The following GLB1L2 variants were observed in gnomAD, a reference collection of about 807,000 sequenced individuals.
GLB1L2 encodes beta-galactosidase-1-like protein 2.
In GLB1L2, 68 loss-of-function variants were observed where a neutral mutation model predicts 84.1. The observed-to-expected ratio is 0.81, with a 90% confidence interval of 0.67 to 0.99. GLB1L2 has a LOEUF of 0.99. Among genes scored for constraint, GLB1L2 ranks in the 50% least tolerant of loss-of-function variants. The pLI, the probability that GLB1L2 is intolerant of heterozygous loss-of-function variation, is 0.00. For synonymous variants in GLB1L2, 290 were observed against 318.0 expected (o/e 0.91, Z 0.94); for missense variants, 762 against 805.6 (o/e 0.95, Z 0.66).
chr11:134,348,121 A>C (rs1943576741), intron 5 of GLB1L2, among the ~76,000 whole-genome samples: 1 of 152,222 alleles, frequency 6.6e-6, no homozygotes, highest in Non-Finnish European at 1.5e-5. Flanking sequence ...ACATCAATAA[A>C]AAATTAGTTC....
intron 1 of GLB1L2, among the ~76,000 whole-genome samples, chr11:134,333,954 G>A (rs1016007723): frequency 1.3e-5 from 2 of 152,170 alleles, no homozygotes; most frequent in South Asian, 2.1e-4. Flanking sequence ...TGTGGAATAC[G>A]TGTCTTTTTG....
At chr11:134,348,488 A>G (rs1943581067) in intron 5 of GLB1L2, among the ~76,000 whole-genome samples, 1 of 152,224 alleles carries the variant, frequency 6.6e-6, no homozygotes, top group Admixed American at 6.5e-5. Flanking sequence ...AGGCACTTGC[A>G]GACGTGCAGC....
At chr11:134,367,998 T>C (rs1943888556) in intron 9 of GLB1L2, among the ~76,000 whole-genome samples, 1 of 152,178 alleles carries the variant, frequency 6.6e-6, no homozygotes, top group South Asian at 2.1e-4. Flanking sequence ...CTCGGCACCG[T>C]GTAGATGTGC....
intron 7 of GLB1L2, among the ~76,000 whole-genome samples, chr11:134,363,128 GGC>G (rs1943819808): frequency 6.6e-6 from 1 of 152,166 alleles, no homozygotes; most frequent in East Asian, 1.9e-4. Context: ...GTCTTCAAAG[GGC>G]TTCTGGCTTG....
rs1377496316 is a variant in GLB1L2, at chr11:134,347,336, A to G, written c.461A>G (p.Gln154Arg). ...DLGGLPSWLLQDPGMRLRTTY... is the reference protein window; with the variant it reads ...DLGGLPSWLLRDPGMRLRTTY... ...GTTTACACTTCAAGCTGGCTACTCC[A>G]AGACCCTGGCATGAGGCTGAGGACA... is the stretch of plus-strand genomic sequence containing the variant. The change falls in exon 5 of 19, where the codon CAA (glutamine) becomes CGA (arginine). Residue 154 changes from glutamine (Q) to arginine (R), a missense_variant. Gln to Arg is a conservative substitution (Grantham distance 43). This residue lies in a region of GLB1L2 where 603 missense variants were observed against 611.7 expected (regional missense o/e 0.99). Coordinates refer to ENST00000535456, the MANE Select transcript of GLB1L2 (RefSeq NM_001370461.1). 4 of 1,613,904 alleles carry G rather than the reference A, an allele frequency of 2.5e-6. No individual in the cohort carries two copies. The highest frequency in any genetic ancestry group is 3.3e-5 in the Admixed American group (2 of 60,024).
In GLB1L2 at chr11:134,371,489, C is replaced by A; in HGVS notation, c.1425C>A (p.Ile475=). 3 of 1,577,806 alleles carry A rather than the reference C, an allele frequency of 1.9e-6. No individual in the cohort carries two copies. The highest frequency in any genetic ancestry group is 2.6e-6 in the Non-Finnish European group (3 of 1,147,048). Residue 475 remains isoleucine, a synonymous_variant, in exon 14 of 19, where the codon ATC becomes ATA. Coordinates refer to ENST00000535456, the MANE Select transcript of GLB1L2 (RefSeq NM_001370461.1). ...YKTTKIAVPL[I]QGYTVLRILV... is the part of the protein sequence containing the mutation. ...CAACGAAGATTGCTGTCCCCCTGAT[C>A]CAGGTTCGTTGTTTTTGGGAGCTGG... is the stretch of plus-strand genomic sequence containing the variant.
intron 1 of GLB1L2, among the ~76,000 whole-genome samples, chr11:134,336,440 C>T (rs1008347563): frequency 6.6e-6 from 1 of 152,178 alleles, no homozygotes; most frequent in Non-Finnish European, 1.5e-5. Flanking sequence ...CATATTATCC[C>T]ACTTGTCCAT....
chr11:134,374,207 G>T lies in GLB1L2; in HGVS notation c.1658G>T (p.Gly553Val). Residue 553 changes from glycine (G) to valine (V), a missense_variant, in exon 17 of 19, where the codon GGT becomes GTT. Around this residue, in one of 3 missense-constraint regions of GLB1L2, gnomAD observed 603 missense variants for 611.7 expected, o/e 0.99. Coordinates refer to ENST00000535456, the MANE Select transcript of GLB1L2 (RefSeq NM_001370461.1). ...CCCACATTACCTGCTTTCTTCTTGG[G>T]TAGCTTGTCCATCAGCTCCACCCCT... is the stretch of plus-strand genomic sequence containing the variant. ...ETPTLPAFFL[G>V]SLSISSTPCD... 1 of 1,614,136 alleles carries T rather than the reference G, an allele frequency of 6.2e-7. No homozygotes were observed. The highest frequency in any genetic ancestry group is 1.3e-5 in the African/African-American group (1 of 75,040).
intron 6 of GLB1L2, among the ~76,000 whole-genome samples, chr11:134,358,644 G>C (rs1943738939): frequency 6.6e-6 from 1 of 152,400 alleles, no homozygotes; most frequent in East Asian, 1.9e-4. Flanking sequence ...CCTGTTGCTT[G>C]TGCTGTGAGA....
At chr11:134,351,082 G>A (rs1943624200) in intron 5 of GLB1L2, among the ~76,000 whole-genome samples, 1 of 152,222 alleles carries the variant, frequency 6.6e-6, no homozygotes, top group African/African-American at 2.4e-5. Flanking sequence ...AGTGCTGAAA[G>A]CACGAATGCT....
chr11:134,332,941 C>T lies in GLB1L2; in HGVS notation c.86+794C>T, dbSNP rs1363201024. Among the ~76,000 whole-genome samples, 4 of 152,326 alleles carry T rather than the reference C, an allele frequency of 2.6e-5. No homozygotes were observed. The East Asian group carries it at 5.8e-4, about 22-fold the overall frequency. On this transcript the variant is annotated intron_variant, in intron 1 of 18. Transcript: ENST00000535456. ...AGGTCAGCACTTTCCATATTCAAAA[C>T]CTCCAGTGGGAAGCCGACCGGCAGT...
intron 9 of GLB1L2, 149 bp from the exon 10 acceptor site, chr11:134,368,495 G>T (rs3741100): frequency 9.4e-6 from 7 of 741,108 alleles, no homozygotes; most frequent in Admixed American, 7.1e-5. Flanking sequence ...TTCTGTGATT[G>T]GGGTTTTATG....
chr11:134,350,297 A>T (rs760588157), intron 5 of GLB1L2, among the ~76,000 whole-genome samples: 45 of 152,316 alleles, frequency 3.0e-4, no homozygotes, highest in Non-Finnish European at 5.9e-4. Flanking sequence ...TCAAGTTCCA[A>T]TCACTAGGGT....
chr11:134,340,530 G>T (rs1292781944), intron 1 of GLB1L2, among the ~76,000 whole-genome samples: 1 of 152,180 alleles, frequency 6.6e-6, no homozygotes, highest in African/African-American at 2.4e-5. Flanking sequence ...TGTGGCCTGA[G>T]CAGTTGTGAG....
intron 2 of GLB1L2, 150 bp from the exon 3 acceptor site, chr11:134,344,237 C>T (rs1943512369): frequency 1.1e-6 from 1 of 919,134 alleles, no homozygotes; most frequent in African/African-American, 1.6e-5. Flanking sequence ...GTCCCTAGAT[C>T]AGTTCACTTA....
intron 2 of GLB1L2, 126 bp from the exon 3 acceptor site, chr11:134,344,261 G>C: frequency 8.3e-7 from 1 of 1,199,962 alleles, no homozygotes; most frequent in Non-Finnish European, 1.2e-6. Context: ...CTTGGTTCCA[G>C]TCCTAAAATC....
intron 1 of GLB1L2, among the ~76,000 whole-genome samples, chr11:134,342,429 G>GCGCC (rs1785543540): frequency 6.6e-6 from 1 of 151,632 alleles, no homozygotes; most frequent in African/African-American, 2.4e-5. Flanking sequence ...AGCCCGTGCG[G>GCGCC]CGCCCGCCCC....
Position 134,338,922 on chromosome 11 carries a change from C to A in GLB1L2, c.87-3832C>A, listed in dbSNP as rs1413803406. Reference sequence around the variant, plus strand: ...GAGCGGAGCCTGACTCTGAGCAGAGCAGACCTGGGCACTGAGCACTGAGTT... The same window carrying A: ...GAGCGGAGCCTGACTCTGAGCAGAGAAGACCTGGGCACTGAGCACTGAGTT... On this transcript the variant is annotated intron_variant, in intron 1 of 18. Transcript: ENST00000535456. The surrounding 1 kb of genome is among the most constrained non-coding windows in gnomAD (Gnocchi z 6.2). 2.6e-5 allele frequency among the ~76,000 whole-genome samples: 4 copies of A among 152,196 alleles called. No individual in the cohort carries two copies. Among genetic ancestry groups the A allele is most frequent in the African/African-American group, 9.7e-5 (4 of 41,444 alleles).
chr11:134,368,972 C>T (rs567269407), intron 10 of GLB1L2, among the ~76,000 whole-genome samples, 191 bp downstream of exon 10: 66 of 152,288 alleles, frequency 4.3e-4, no homozygotes, highest in South Asian at 1.4e-3. Context: ...AGGTGGTGTG[C>T]CTGTGAGCTG....
Sources: gnomAD v4.1 joint callset for allele counts (sites outside exome capture counted in the v4.1 genomes callset) on GRCh38, gnomAD v4.1.1 for gene constraint, gnomAD v4.1.1 regional missense constraint, Gnocchi (gnomAD v3.1) non-coding constraint, MANE v1.5 for transcripts, NCBI Gene and HGNC (gene_info 2026-07-23, HGNC 2026-07-21) for gene names.